UTRN: variants seen among roughly 807,000 people sequenced by gnomAD.
UTRN encodes the protein utrophin.
Under a neutral mutation model 463.9 loss-of-function variants are expected in UTRN, and 283 were observed. That is an observed-to-expected ratio of 0.61 (90% CI 0.55 to 0.67). The LOEUF is 0.67. UTRN is among the 30% of genes least tolerant of loss of function. The pLI is 0.00. For synonymous variants in UTRN, 1,442 were observed against 1,431.5 expected, an observed-to-expected ratio of 1.01 and a Z score of -0.17; for missense variants, 3,922 against 4,084.3, an observed-to-expected ratio of 0.96 and a Z score of 1.08.
At chr6:144,342,915 G>C (rs975549243) in intron 2 of UTRN, among the ~76,000 whole-genome samples, 1 of 152,204 alleles carries the variant, frequency 6.6e-6, no homozygotes, top group Non-Finnish European at 1.5e-5. Flanking sequence ...CCCTCCCTGT[G>C]ACAGTCCTAG....
At chr6:144,645,280 G>A (rs1778175817) in intron 51 of UTRN, among the ~76,000 whole-genome samples, 1 of 152,104 alleles carries the variant, frequency 6.6e-6, no homozygotes, top group African/African-American at 2.4e-5. Flanking sequence ...ATTTGTGTCT[G>A]CTTTAATTAT....
intron 69 of UTRN, among the ~76,000 whole-genome samples, chr6:144,832,753 T>C (rs1230368690): frequency 6.6e-6 from 1 of 152,208 alleles, no homozygotes; most frequent in Non-Finnish European, 1.5e-5. Flanking sequence ...CCATATTTAT[T>C]ATTTTCTTTT....
intron 52 of UTRN, among the ~76,000 whole-genome samples, chr6:144,684,671 C>A: frequency 6.6e-6 from 1 of 152,090 alleles, no homozygotes; most frequent in East Asian, 1.9e-4. Flanking sequence ...GTGAAGAGCC[C>A]TCTGTTGTAT....
Position 144,814,679 on chromosome 6 carries a change from G to T in UTRN, c.9358-6203G>T, listed in dbSNP as rs76245633. On this transcript the variant is annotated intron_variant, in intron 65 of 74. Coordinates refer to ENST00000367545, the MANE Select transcript of UTRN (RefSeq NM_007124.3). Reference sequence around the variant, plus strand: ...CAGTGTAACTACTTTATGAATGGGAGGAAAATGGAAAAGTAAATCTATATT... The same window carrying T: ...CAGTGTAACTACTTTATGAATGGGATGAAAATGGAAAAGTAAATCTATATT... 5.3e-3 allele frequency among the ~76,000 whole-genome samples: 803 copies of T among 152,272 alleles called. 10 individuals are homozygous for T. The highest frequency in any genetic ancestry group is 0.018 in the African/African-American group (752 of 41,570).
intron 49 of UTRN, among the ~76,000 whole-genome samples, chr6:144,556,449 T>C (rs1799391833): frequency 6.6e-6 from 1 of 152,218 alleles, no homozygotes; most frequent in Non-Finnish European, 1.5e-5. Flanking sequence ...ATTAGAACAT[T>C]ATTTTTTAAT....
At chr6:144,633,417 A>G (rs1426833135) in intron 51 of UTRN, among the ~76,000 whole-genome samples, 1 of 151,972 alleles carries the variant, frequency 6.6e-6, no homozygotes, top group Non-Finnish European at 1.5e-5. Flanking sequence ...TTTTTTTAGT[A>G]AAGACGGCGT....
intron 68 of UTRN, 68 bp downstream of exon 68, chr6:144,827,744 A>C (rs1220326492): frequency 4.7e-6 from 7 of 1,480,898 alleles, no homozygotes; most frequent in East Asian, 2.3e-5. Flanking sequence ...TAATTAATCT[A>C]ATATCATTAA....
At position 144,789,266 on chromosome 6, in the gene UTRN, A is replaced by G. The variant is rs1162665215; in HGVS notation, c.8907A>G (p.Glu2969=). 6.2e-7 allele frequency: 1 copy of G among 1,612,510 alleles called. No individual in the cohort carries two copies. The highest frequency in any genetic ancestry group is 1.3e-5 in the African/African-American group (1 of 74,898). The change falls in exon 62 of 75, where the codon GAA becomes GAG. Residue 2969 remains glutamate (E), a synonymous_variant. Transcript: ENST00000367545. ...TGTCTCTCTCCAAAGGTCTCTTGGA[A>G]GAAAAATACAGATGTATGTAAGACC... The part of the protein sequence containing the change: ...GLMSLSKGLL[E]EKYRYLFKEV...
At chr6:144,587,751 A>C (rs889966276) in intron 51 of UTRN, among the ~76,000 whole-genome samples, 1 of 152,038 alleles carries the variant, frequency 6.6e-6, no homozygotes, top group African/African-American at 2.4e-5. Flanking sequence ...CTTTAACATG[A>C]TCTGATTGTT....
chr6:144,689,947 T>A (rs1783149724), intron 52 of UTRN, among the ~76,000 whole-genome samples: 1 of 151,516 alleles, frequency 6.6e-6, no homozygotes, highest in African/African-American at 2.4e-5. Context: ...AGCTAGAAGG[T>A]GGCACTTGGA....
At chr6:144,353,400 C>A (rs1317492079) in intron 2 of UTRN, among the ~76,000 whole-genome samples, 1 of 151,082 alleles carries the variant, frequency 6.6e-6, no homozygotes, top group African/African-American at 2.4e-5. Flanking sequence ...AGGCGTGAAC[C>A]AACGTGCCCG....
At position 144,813,429 on chromosome 6, in the gene UTRN, C is replaced by T. The variant is rs181737943; in HGVS notation, c.9358-7453C>T. ...ATCTCGATCTCCTGACCTCGTGATC[C>T]GCCCGCCTCGGCCTCCCCAAAGTGC... On this transcript the variant is annotated intron_variant, in intron 65 of 74. Transcript: ENST00000367545. Among the ~76,000 whole-genome samples, 250 of 152,148 alleles carry T rather than the reference C, an allele frequency of 1.6e-3. 3 individuals are homozygous for T. In the East Asian group the frequency reaches 0.039, roughly 24 times the overall value.
intron 51 of UTRN, among the ~76,000 whole-genome samples, chr6:144,606,184 G>A (rs1326423822): frequency 1.3e-5 from 2 of 152,092 alleles, no homozygotes; most frequent in African/African-American, 2.4e-5. Flanking sequence ...TTTGACATTG[G>A]GAAGTTAAAC....
intron 69 of UTRN, among the ~76,000 whole-genome samples, 187 bp from the exon 70 acceptor site, chr6:144,835,593 G>T (rs1024326982): frequency 6.6e-6 from 1 of 152,212 alleles, no homozygotes; most frequent in Non-Finnish European, 1.5e-5. Flanking sequence ...GTTGACTCAT[G>T]TAATATCCAT....
intron 2 of UTRN, among the ~76,000 whole-genome samples, chr6:144,370,814 C>A (rs948635193): frequency 6.6e-6 from 1 of 152,234 alleles, no homozygotes; most frequent in Non-Finnish European, 1.5e-5. Flanking sequence ...GGATTTGAGA[C>A]ATGGAGTCAA....
intron 50 of UTRN, among the ~76,000 whole-genome samples, chr6:144,573,030 C>CT (rs1436226882): frequency 2.0e-5 from 3 of 152,180 alleles, no homozygotes; most frequent in Non-Finnish European, 4.4e-5. Context: ...AAAAGCATTC[C>CT]TATTTCTCCA....
intron 51 of UTRN, among the ~76,000 whole-genome samples, chr6:144,610,162 A>G (rs1805331790): frequency 6.6e-6 from 1 of 151,762 alleles, no homozygotes; most frequent in Non-Finnish European, 1.5e-5. Context: ...TTGAAAAAAA[A>G]AAAATCAACA....
At chr6:144,298,065 A>G (rs1337622296) in intron 2 of UTRN, among the ~76,000 whole-genome samples, 6 of 152,198 alleles carry the variant, frequency 3.9e-5, no homozygotes, top group Admixed American at 3.3e-4. Context: ...ATCTAAAGCA[A>G]TGGAGAAAGG....
rs1367484820 is a variant in UTRN at position 144,479,949 on chromosome 6, A to G, written c.3474A>G (p.Pro1158=). ...AGCGGGATTTTGAGTACAAGTCACCAGAAGAGCTTGAGAGTGCTGTGGAAG... is the reference window on the plus strand; with the variant it reads ...AGCGGGATTTTGAGTACAAGTCACCGGAAGAGCTTGAGAGTGCTGTGGAAG... ...YLERDFEYKS[P]EELESAVEEM... is the part of the protein sequence containing the mutation. The change falls in exon 26 of 75, where the codon CCA becomes CCG. Residue 1158 remains proline, a synonymous_variant. Coordinates refer to ENST00000367545, the MANE Select transcript of UTRN (RefSeq NM_007124.3). 4 of 1,614,242 alleles carry G rather than the reference A, an allele frequency of 2.5e-6. No homozygotes were observed.
Sources: gnomAD v4.1 joint callset for allele counts (sites outside exome capture counted in the v4.1 genomes callset) on GRCh38, gnomAD v4.1.1 for gene constraint, MANE v1.5 for transcripts, NCBI Gene and HGNC (gene_info 2026-07-23, HGNC 2026-07-21) for gene names.